The following TBC1D4 variants were observed in gnomAD, a reference collection of about 807,000 sequenced individuals.
TBC1D4 encodes TBC1 domain family member 4, also known as TBC (Tre-2, BUB2, CDC16) domain-containing protein.
In TBC1D4, 121 loss-of-function variants were observed where a neutral mutation model predicts 142.5. The ratio of observed to expected loss-of-function variants is 0.85; its 90% confidence interval spans 0.73 to 0.99. The LOEUF is 0.99. Among genes scored for constraint, TBC1D4 ranks in the 50% least tolerant of loss-of-function variants. The pLI, the probability that TBC1D4 is intolerant of heterozygous loss-of-function variation, is 0.00. For synonymous variants in TBC1D4, 630 were observed against 628.2 expected (o/e 1.00, Z -0.04); for missense variants, 1,475 against 1,606.6 (o/e 0.92, Z 1.40).
intron 7 of TBC1D4, among the ~76,000 whole-genome samples, chr13:75,339,201 A>T (rs899628735): frequency 6.6e-6 from 1 of 152,178 alleles, no homozygotes; most frequent in African/African-American, 2.4e-5. Flanking sequence ...GTTTCCTAGT[A>T]CAGTCTGTAC....
intron 1 of TBC1D4, among the ~76,000 whole-genome samples, chr13:75,388,375 C>T (rs191424072): frequency 6.6e-6 from 1 of 152,322 alleles, no homozygotes; most frequent in Admixed American, 6.5e-5. Flanking sequence ...TTTTCCTCTA[C>T]ATGAGCATTC....
intron 1 of TBC1D4, chr13:75,366,847 G>T: frequency 1.6e-6 from 1 of 626,912 alleles, no homozygotes; most frequent in Non-Finnish European, 2.0e-6. Context: ...ACCAAACACT[G>T]ATGTTCAAAG....
intron 1 of TBC1D4, among the ~76,000 whole-genome samples, chr13:75,451,272 C>A (rs1441552960): frequency 3.3e-5 from 5 of 152,006 alleles, no homozygotes; most frequent in Non-Finnish European, 7.4e-5. Context: ...AGTGTCTGCA[C>A]ATAAAAGGTG....
chr13:75,347,904 G>A (rs1786329063), intron 5 of TBC1D4, among the ~76,000 whole-genome samples: 1 of 152,198 alleles, frequency 6.6e-6, no homozygotes, highest in Non-Finnish European at 1.5e-5. Context: ...GGGAGGCCAG[G>A]ACAGGAGGAT....
At chr13:75,377,375 C>G (rs536040716) in intron 1 of TBC1D4, 2 of 152,262 alleles carry the variant, frequency 1.3e-5, no homozygotes, top group East Asian at 3.9e-4. Flanking sequence ...TTTTCTGATT[C>G]TCTGCTAACA....
In TBC1D4 at chr13:75,343,381, G is replaced by A. The variant is rs374545942; in HGVS notation, c.1409-1794C>T. 1.3e-4 allele frequency among the ~76,000 whole-genome samples: 20 copies of A among 152,274 alleles called. No individual in the cohort carries two copies. In the South Asian group the frequency reaches 3.9e-3, roughly 30 times the overall value. On this transcript the variant is annotated intron_variant, in intron 5 of 20. Coordinates refer to ENST00000377636, the MANE Select transcript of TBC1D4 (RefSeq NM_014832.5). Reference sequence around the variant, plus strand: ...GTACTGAATGAGAACTAGAGGAAAAGTTTCCAAAAACTCCACTCCACATTT... The same window carrying A: ...GTACTGAATGAGAACTAGAGGAAAAATTTCCAAAAACTCCACTCCACATTT...
Position 75,362,339 on chromosome 13 carries a change from T to A in TBC1D4, c.767A>T (p.Glu256Val). Reference protein sequence around the residue: ...PDPGEDLADLEVVVPGSPGDC... With the variant: ...PDPGEDLADLVVVVPGSPGDC... ...TCCGGGGGACCCGGGCACCACCACC[T>A]CCAAGTCAGCCAGGTCCTCTCCTGG... Residue 256 changes from glutamate (E) to valine (V), a missense_variant, in exon 2 of 21, where the codon GAG (glutamate) becomes GTG (valine). This residue lies in a region of TBC1D4 where 1,227 missense variants were observed against 1,267.7 expected (regional missense o/e 0.97). Coordinates refer to ENST00000377636, the MANE Select transcript of TBC1D4 (RefSeq NM_014832.5). This position sits in a 1 kb window ranked among gnomAD's most constrained non-coding sequence, Gnocchi z 4.2. The A allele has an allele frequency of 1.2e-6, 2 of 1,614,132 alleles. No individual in the cohort carries two copies. Among genetic ancestry groups the A allele is most frequent in the South Asian group, 2.2e-5 (2 of 91,076 alleles).
At chr13:75,336,664 G>GC (rs1437843205) in intron 8 of TBC1D4, among the ~76,000 whole-genome samples, 1 of 151,650 alleles carries the variant, frequency 6.6e-6, no homozygotes, top group African/African-American at 2.4e-5. Context: ...TCGCTTGAAT[G>GC]CAGGAGGCAG....
At position 75,341,212 on chromosome 13, in the gene TBC1D4, C is replaced by G; in HGVS notation, c.1524G>C (p.Gln508His). The G allele has an allele frequency of 2.5e-6, 4 of 1,613,808 alleles. No individual in the cohort carries two copies. Among genetic ancestry groups the G allele is most frequent in the Non-Finnish European group, 3.4e-6 (4 of 1,179,956 alleles). The change falls in exon 7 of 21, where the codon CAG becomes CAC. Residue 508 changes from glutamine (Q) to histidine (H), a missense_variant. Gln to His is a conservative substitution (Grantham distance 24). Coordinates refer to ENST00000377636, the MANE Select transcript of TBC1D4 (RefSeq NM_014832.5). ...GTAAAATCACAAGTTCATTTTCTTC[C>G]TGGTCACTGACTGGCTTCATTTTCT... Reference protein sequence around the residue: ...RVQKMKPVSDQEENELVILHL... With the variant: ...RVQKMKPVSDHEENELVILHL...
rs1449167425 is a variant in TBC1D4, at chr13:75,362,473, G to A, written c.633C>T (p.Thr211=). 5 of 1,614,098 alleles carry A rather than the reference G, an allele frequency of 3.1e-6. No homozygotes were observed. The highest frequency in any genetic ancestry group is 2.7e-5 in the African/African-American group (2 of 74,928). Reference sequence around the variant, plus strand: ...TTGAGGGGGCCTTCTTGTGGGTCACGGTCACCTTTCCACAGTACAGGACTT... The same window carrying A: ...TTGAGGGGGCCTTCTTGTGGGTCACAGTCACCTTTCCACAGTACAGGACTT... ...KFEVLYCGKV[T]VTHKKAPSSL... Residue 211 remains threonine, a synonymous_variant, in exon 2 of 21, where the codon ACC becomes ACT. Transcript: ENST00000377636. The surrounding 1 kb of genome is among the most constrained non-coding windows in gnomAD (Gnocchi z 4.2).
chr13:75,393,116 TACACACACACAC>T (rs34205789), intron 1 of TBC1D4, among the ~76,000 whole-genome samples: 28 of 141,472 alleles, frequency 2.0e-4, no homozygotes, highest in South Asian at 4.7e-4. Flanking sequence ...TAAATTAAAA[TACACACACACAC>T]ACACACACAC....
At chr13:75,315,633 T>C (rs1051541015) in intron 12 of TBC1D4, among the ~76,000 whole-genome samples, 5 of 152,070 alleles carry the variant, frequency 3.3e-5, no homozygotes, top group African/African-American at 4.8e-5. Flanking sequence ...TTCTAGCTTG[T>C]AGTGTAGTAA....
At chr13:75,303,976 A>G (rs1251589722) in intron 15 of TBC1D4, among the ~76,000 whole-genome samples, 3 of 152,172 alleles carry the variant, frequency 2.0e-5, no homozygotes, top group Non-Finnish European at 4.4e-5. Context: ...CTCGAGATGT[A>G]ATCAGTCCCT....
At chr13:75,421,753 G>A (rs1185614099) in intron 1 of TBC1D4, among the ~76,000 whole-genome samples, 4 of 152,002 alleles carry the variant, frequency 2.6e-5, no homozygotes, top group South Asian at 4.1e-4. Context: ...TAAAAATAAC[G>A]AAGTACTTTA....
chr13:75,474,661 T>A (rs1327065292), intron 1 of TBC1D4, among the ~76,000 whole-genome samples: 1 of 129,638 alleles, frequency 7.7e-6, no homozygotes, highest in African/African-American at 2.7e-5. Flanking sequence ...TTTTTTTTTT[T>A]AATCTCACTT....
intron 17 of TBC1D4, among the ~76,000 whole-genome samples, chr13:75,298,227 T>C (rs898950427): frequency 6.6e-6 from 1 of 152,242 alleles, no homozygotes; most frequent in African/African-American, 2.4e-5. Context: ...GAATCCTCTT[T>C]AAAGTCTTCT....
At chr13:75,344,911 G>T (rs1016510154) in intron 5 of TBC1D4, among the ~76,000 whole-genome samples, 6 of 152,076 alleles carry the variant, frequency 3.9e-5, no homozygotes, top group African/African-American at 1.4e-4. Flanking sequence ...TTATTAATTT[G>T]TGTTTATCTA....
chr13:75,299,203 C>T, intron 17 of TBC1D4, 127 bp downstream of exon 17: 5 of 1,515,280 alleles, frequency 3.3e-6, no homozygotes, highest in African/African-American at 2.7e-5. Flanking sequence ...AAACATGCCC[C>T]AATCTTTACC....
At chr13:75,344,972 C>CT (rs1294987543) in intron 5 of TBC1D4, among the ~76,000 whole-genome samples, 1 of 152,168 alleles carries the variant, frequency 6.6e-6, no homozygotes, top group Non-Finnish European at 1.5e-5. Context: ...ATAAAACAAA[C>CT]TTAGAATTAA....
Sources: gnomAD v4.1 joint callset for allele counts (sites outside exome capture counted in the v4.1 genomes callset) on GRCh38, gnomAD v4.1.1 for gene constraint, gnomAD v4.1.1 regional missense constraint, Gnocchi (gnomAD v3.1) non-coding constraint, MANE v1.5 for transcripts, NCBI Gene and HGNC (gene_info 2026-07-23, HGNC 2026-07-21) for gene names.